Variants in AFAP1 observed in about 807,000 individuals in gnomAD.
The protein encoded by AFAP1 is actin filament associated protein 1.
AFAP1 carries 75 observed loss-of-function variants against 93.9 expected under a neutral mutation model. The observed-to-expected ratio is 0.80, with a 90% CI of 0.66 to 0.97. AFAP1 has a LOEUF of 0.97. AFAP1 is among the 50% of genes least tolerant of loss of function. The pLI, the probability that AFAP1 is intolerant of heterozygous loss-of-function variation, is 0.00. For synonymous variants in AFAP1, 517 were observed against 430.7 expected (o/e 1.20, Z -2.48); for missense variants, 1,201 against 1,050.8 (o/e 1.14, Z -1.98).
At chr4:7,821,281 AG>A (rs1720951411) in intron 6 of AFAP1, among the ~76,000 whole-genome samples, 1 of 152,220 alleles carries the variant, frequency 6.6e-6, no homozygotes, top group South Asian at 2.1e-4. Context: ...CCGCTATGGA[AG>A]AAGTCTAAGC....
At chr4:7,826,215 C>A (rs1269318271) in intron 6 of AFAP1, among the ~76,000 whole-genome samples, 2 of 152,222 alleles carry the variant, frequency 1.3e-5, no homozygotes, top group Non-Finnish European at 2.9e-5. Flanking sequence ...AATGAGTCCA[C>A]AGTCACCTGC....
At chr4:7,802,512 G>C (rs969640190) in intron 9 of AFAP1, among the ~76,000 whole-genome samples, 1 of 152,186 alleles carries the variant, frequency 6.6e-6, no homozygotes, top group African/African-American at 2.4e-5. Context: ...AGCAAGACCT[G>C]AACCCCTGTT....
At chr4:7,898,860 G>GTA (rs1232147845) in intron 1 of AFAP1, among the ~76,000 whole-genome samples, 1 of 137,542 alleles carries the variant, frequency 7.3e-6, no homozygotes, top group Non-Finnish European at 1.6e-5. Flanking sequence ...ATATGTATGT[G>GTA]TATATATATG....
intron 1 of AFAP1, among the ~76,000 whole-genome samples, chr4:7,898,970 G>C (rs1186274619): frequency 6.7e-6 from 1 of 149,004 alleles, no homozygotes; most frequent in South Asian, 2.1e-4. Context: ...ACACATTTGT[G>C]TATATACAAT....
intron 14 of AFAP1, chr4:7,778,206 C>A: frequency 6.2e-6 from 1 of 160,958 alleles, no homozygotes; most frequent in South Asian, 1.7e-4. Flanking sequence ...CCTATGCTTA[C>A]AAAGTGGCTG....
chr4:7,859,805 G>A (rs779787121), intron 3 of AFAP1, among the ~76,000 whole-genome samples: 5 of 152,114 alleles, frequency 3.3e-5, no homozygotes, highest in Admixed American at 6.5e-5. Context: ...TTTTGGAAAG[G>A]AAAGCCCATT....
chr4:7,929,919 T>C (rs940968627), intron 1 of AFAP1, among the ~76,000 whole-genome samples: 2 of 152,190 alleles, frequency 1.3e-5, no homozygotes, highest in Non-Finnish European at 2.9e-5. Context: ...GTCAACTTGG[T>C]GTCAGGACCT....
At chr4:7,767,615 C>T (rs1714787664) in intron 17 of AFAP1, among the ~76,000 whole-genome samples, 1 of 152,140 alleles carries the variant, frequency 6.6e-6, no homozygotes, top group African/African-American at 2.4e-5. Flanking sequence ...ACACGGTCTT[C>T]AGTACACGGA....
chr4:7,763,876 A>C (rs1396120568), intron 17 of AFAP1, 85 bp from the exon 18 acceptor site: 1 of 1,394,490 alleles, frequency 7.2e-7, no homozygotes, highest in Non-Finnish European at 1.0e-6. Flanking sequence ...TTCAACTCAG[A>C]GGGGGTGGGT....
At chr4:7,817,751 A>G (rs1180775408) in intron 7 of AFAP1, among the ~76,000 whole-genome samples, 1 of 133,066 alleles carries the variant, frequency 7.5e-6, no homozygotes, top group African/African-American at 3.0e-5. Context: ...TTTGCTAATA[A>G]TATAAAGGTT....
intron 1 of AFAP1, among the ~76,000 whole-genome samples, chr4:7,892,851 C>T (rs1478620903): frequency 6.6e-6 from 1 of 151,916 alleles, no homozygotes; most frequent in Non-Finnish European, 1.5e-5. Context: ...GGGGGAGCAG[C>T]GGGGTGGGGG....
At position 7,838,809 on chromosome 4, in the gene AFAP1, A is replaced by G. The variant is rs76368191; in HGVS notation, c.547-106T>C. The G allele has an allele frequency of 0.014, 17,213 of 1,251,412 alleles. 823 individuals are homozygous for G. In the African/African-American group the frequency reaches 0.14, roughly 10 times the overall value. 77.5% of individuals were successfully genotyped at this position (1,251,412 alleles called of 1,614,324 possible). A position where few individuals can be genotyped will look rare whatever the true frequency, so the allele number is the denominator to read the frequency against. ...CCTGAGTGCGGGCAAGGCATCTGAAAGTCTGAATCTGCAGATGAGCAGGTT... is the reference window on the plus strand; with the variant it reads ...CCTGAGTGCGGGCAAGGCATCTGAAGGTCTGAATCTGCAGATGAGCAGGTT... On this transcript the variant is annotated intron_variant, in intron 5 of 17. Transcript: ENST00000420658.
chr4:7,765,810 G>C lies in AFAP1; in HGVS notation c.2419-2019C>G, dbSNP rs564103634. On this transcript the variant is annotated intron_variant, in intron 17 of 17. Coordinates refer to ENST00000420658, the MANE Select transcript of AFAP1 (RefSeq NM_001134647.2). ...CTTGGAGAGGTTGCTTCATCTCTCTGAGCCATGGTACAACGTGAGTCCCAC... is the reference window on the plus strand; with the variant it reads ...CTTGGAGAGGTTGCTTCATCTCTCTCAGCCATGGTACAACGTGAGTCCCAC... 2.7e-3 allele frequency among the ~76,000 whole-genome samples: 418 copies of C among 152,294 alleles called. 3 individuals carry two copies. Among genetic ancestry groups the C allele is most frequent in the Middle Eastern group, 6.8e-3 (2 of 294 alleles).
chr4:7,800,382 T>G, intron 10 of AFAP1, 60 bp downstream of exon 10: 1 of 1,566,466 alleles, frequency 6.4e-7, no homozygotes, highest in Non-Finnish European at 8.7e-7. Flanking sequence ...ATTCGCCTTT[T>G]GAAAGGAAGA....
At chr4:7,808,318 G>C (rs1410025974) in intron 9 of AFAP1, among the ~76,000 whole-genome samples, 3 of 152,146 alleles carry the variant, frequency 2.0e-5, no homozygotes, top group African/African-American at 7.2e-5. Context: ...CCACAATGCT[G>C]GATCCCCCCG....
At chr4:7,775,881 A>G (rs1333611586) in intron 14 of AFAP1, 1 of 152,272 alleles carries the variant, frequency 6.6e-6, no homozygotes, top group African/African-American at 2.4e-5. Context: ...ATTTCATAAA[A>G]TGAATAAATG....
At position 7,898,669 on chromosome 4, in the gene AFAP1, A is replaced by C. The variant is rs1385542739; in HGVS notation, c.-2-26589T>G. 4.6e-5 allele frequency among the ~76,000 whole-genome samples: 7 copies of C among 151,628 alleles called. 1 individual carries two copies. Among genetic ancestry groups the C allele is most frequent in the African/African-American group, 1.5e-4 (6 of 41,330 alleles). On this transcript the variant is annotated intron_variant, in intron 1 of 17. Transcript: ENST00000420658. ...CAAAGAAAAAGAAGAAAAAAAAAAA[A>C]AAAACACTCTCTCCCTTTGTGAACC...
intron 6 of AFAP1, among the ~76,000 whole-genome samples, chr4:7,828,285 C>T (rs1721612578): frequency 6.6e-6 from 1 of 152,176 alleles, no homozygotes; most frequent in East Asian, 1.9e-4. Context: ...AACTTGGGAT[C>T]CACCAGCACC....
In AFAP1 at chr4:7,781,388, C is replaced by T. The variant is rs1233845566; in HGVS notation, c.1770G>A (p.Gly590=). Residue 590 remains glycine (G), a synonymous_variant, in exon 13 of 18, where the codon GGG becomes GGA. Coordinates refer to ENST00000420658, the MANE Select transcript of AFAP1 (RefSeq NM_001134647.2). ...NTSSVGRASL[G]LNSQLKGKKP... ...GAAGATGCCGTACCTGCGAGTTGAG[C>T]CCGAGAGACGCCCTCCCCACAGAAG... The T allele has an allele frequency of 1.9e-6, 3 of 1,551,468 alleles. No homozygotes were observed. In the African/African-American group the frequency reaches 4.1e-5, roughly 21 times the overall value.
Sources: allele counts gnomAD v4.1 joint callset (sites outside exome capture counted in the v4.1 genomes callset), GRCh38; gene constraint gnomAD v4.1.1; transcripts MANE v1.5; gene names NCBI Gene and HGNC (gene_info 2026-07-23, HGNC 2026-07-21).